Variants in MYO3A observed in about 807,000 individuals in gnomAD.
MYO3A encodes the protein myosin IIIA.
MYO3A carries 180 observed loss-of-function variants against 192.7 expected under a neutral mutation model. The observed-to-expected ratio is 0.93, with a 90% confidence interval of 0.83 to 1.06. The LOEUF (loss-of-function observed/expected upper bound fraction) is 1.06, where lower values mean the gene tolerates loss of function less well. Among genes scored for constraint, MYO3A ranks in the 50% least tolerant of loss-of-function variants. The probability of loss-of-function intolerance (pLI) is 0.00; values close to 1 mark genes in which losing one functional copy is unlikely to be tolerated. For missense variants in MYO3A, 1,896 were observed against 1,905.0 expected, an observed-to-expected ratio of 1.00 and a Z score of 0.09; for synonymous variants, 628 against 645.3, an observed-to-expected ratio of 0.97 and a Z score of 0.41.
intron 4 of MYO3A, among the ~76,000 whole-genome samples, chr10:25,992,027 A>G (rs9731571): frequency 0.68 from 103,325 of 151,966 alleles, 35,691 homozygotes; most frequent in African/African-American, 0.8. Flanking sequence ...GAACTTTAAA[A>G]TAGTTTTTTC....
At chr10:25,949,190 A>G (rs797002087) in intron 2 of MYO3A, among the ~76,000 whole-genome samples, 49 of 152,196 alleles carry the variant, frequency 3.2e-4, no homozygotes, top group African/African-American at 1.2e-3. Context: ...TGAGTTTTCT[A>G]TCTTTGTATT....
intron 20 of MYO3A, among the ~76,000 whole-genome samples, chr10:26,135,173 C>T (rs1839772832): frequency 6.6e-6 from 1 of 152,076 alleles, no homozygotes; most frequent in South Asian, 2.1e-4. Context: ...TGACAGCTAT[C>T]CATGGTTTTT....
At chr10:25,955,338 C>G (rs556622250) in intron 4 of MYO3A, among the ~76,000 whole-genome samples, 15 of 152,138 alleles carry the variant, frequency 9.9e-5, no homozygotes, top group Non-Finnish European at 1.8e-4. Context: ...ATGTGATAAG[C>G]CTCTGTGCCA....
intron 2 of MYO3A, among the ~76,000 whole-genome samples, chr10:25,938,035 C>T (rs961428104): frequency 3.3e-5 from 5 of 152,108 alleles, no homozygotes; most frequent in Admixed American, 6.5e-5. Context: ...ACTTGTTTGG[C>T]GATTCAGACT....
chr10:26,039,852 G>T (rs1411292334), intron 10 of MYO3A, among the ~76,000 whole-genome samples: 1 of 146,124 alleles, frequency 6.8e-6, no homozygotes, highest in Non-Finnish European at 1.5e-5. Context: ...CTTTTGTATT[G>T]TTTTCTTCTT....
At chr10:25,991,177 G>C (rs981434602) in intron 4 of MYO3A, among the ~76,000 whole-genome samples, 6 of 152,166 alleles carry the variant, frequency 3.9e-5, no homozygotes, top group African/African-American at 1.4e-4. Context: ...AGCACCTGTT[G>C]TTTCCTGACT....
In MYO3A at chr10:26,196,141, A is replaced by G. The variant is rs529421131; in HGVS notation, c.4545+2830A>G. 9.8e-5 allele frequency among the ~76,000 whole-genome samples: 15 copies of G among 152,372 alleles called. 1 individual carries two copies. In the South Asian group the frequency reaches 3.1e-3, roughly 32 times the overall value. ...GCAGCAAATACTCTGACATTTGTTT[A>G]TGCAATTAAATAGAACAGCAGAAAC... On this transcript the variant is annotated intron_variant, in intron 32 of 34. Coordinates refer to ENST00000642920, the MANE Select transcript of MYO3A (RefSeq NM_017433.5).
chr10:25,973,691 G>A (rs866032826), intron 4 of MYO3A, among the ~76,000 whole-genome samples: 5 of 151,962 alleles, frequency 3.3e-5, no homozygotes, highest in Admixed American at 6.6e-5. Context: ...AACATGAGGG[G>A]ATGTTGAATT....
At chr10:25,995,083 T>C (rs1840335318) in intron 4 of MYO3A, among the ~76,000 whole-genome samples, 1 of 151,286 alleles carries the variant, frequency 6.6e-6, no homozygotes, top group Non-Finnish European at 1.5e-5. Context: ...GAAGTTCTCC[T>C]GGATAATATC....
intron 17 of MYO3A, among the ~76,000 whole-genome samples, chr10:26,097,891 T>A (rs982295007): frequency 6.6e-6 from 1 of 152,184 alleles, no homozygotes; most frequent in South Asian, 2.1e-4. Context: ...CAAACATATG[T>A]GTGCATGTGC....
In MYO3A at chr10:26,176,716, G is replaced by A. The variant is rs1031886099; in HGVS notation, c.4309G>A (p.Glu1437Lys). 1.2e-6 allele frequency: 2 copies of A among 1,609,706 alleles called. No homozygotes were observed. Among genetic ancestry groups the A allele is most frequent in the Non-Finnish European group, 1.7e-6 (2 of 1,176,154 alleles). Residue 1437 changes from glutamate (E) to lysine (K), a missense_variant, in exon 31 of 35, where the codon GAA becomes AAA. By Grantham distance (56) the Glu-to-Lys change is moderately conservative. Transcript: ENST00000642920. ...IFSKQISKLS[E>K]EYFILQKKLN... ...TTCTTTTTAGATATCAAAGTTATCT[G>A]AAGAATATTTCATTCTGCAGAAAAA...
At chr10:26,108,785 G>A (rs944779594) in intron 17 of MYO3A, among the ~76,000 whole-genome samples, 1 of 152,194 alleles carries the variant, frequency 6.6e-6, no homozygotes, top group Non-Finnish European at 1.5e-5. Context: ...GCTTACAGGA[G>A]GTGGGGACTG....
intron 32 of MYO3A, among the ~76,000 whole-genome samples, chr10:26,200,229 T>C (rs947969777): frequency 3.3e-5 from 5 of 152,206 alleles, no homozygotes; most frequent in African/African-American, 1.2e-4. Flanking sequence ...ACTGTTTCAC[T>C]CATCTACTAT....
intron 7 of MYO3A, among the ~76,000 whole-genome samples, chr10:26,020,932 A>G (rs1186684751): frequency 6.6e-6 from 1 of 152,234 alleles, no homozygotes; most frequent in Non-Finnish European, 1.5e-5. Flanking sequence ...GTAAAACCAC[A>G]TCAAGGTTTA....
intron 4 of MYO3A, among the ~76,000 whole-genome samples, chr10:25,965,432 A>G (rs1305830820): frequency 6.6e-6 from 1 of 151,172 alleles, no homozygotes; most frequent in Non-Finnish European, 1.5e-5. Flanking sequence ...AGTCCTTGCC[A>G]CTCTTCCTTC....
At chr10:26,031,287 C>G (rs544235922) in intron 10 of MYO3A, among the ~76,000 whole-genome samples, 1 of 152,314 alleles carries the variant, frequency 6.6e-6, no homozygotes, top group South Asian at 2.1e-4. Flanking sequence ...CTTCAACTGT[C>G]CTTCCTCAAG....
At chr10:26,067,486 C>A (rs559547471) in intron 11 of MYO3A, among the ~76,000 whole-genome samples, 1 of 152,138 alleles carries the variant, frequency 6.6e-6, no homozygotes, top group African/African-American at 2.4e-5. Flanking sequence ...GGTGGCCTCC[C>A]GCTTTGTCCT....
intron 4 of MYO3A, among the ~76,000 whole-genome samples, chr10:25,968,508 C>T (rs1476185838): frequency 7.9e-5 from 12 of 152,114 alleles, no homozygotes; most frequent in Admixed American, 7.2e-4. Context: ...AGATATGAAA[C>T]ATTTGATTTT....
intron 10 of MYO3A, among the ~76,000 whole-genome samples, chr10:26,065,172 G>T (rs10828946): frequency 0.48 from 72,214 of 151,958 alleles, 17,959 homozygotes; most frequent in Middle Eastern, 0.59. Context: ...TGTTAAATGC[G>T]CCTGGTAGAT....
Sources: gnomAD v4.1 joint callset for allele counts (sites outside exome capture counted in the v4.1 genomes callset) on GRCh38, gnomAD v4.1.1 for gene constraint, MANE v1.5 for transcripts, NCBI Gene and HGNC (gene_info 2026-07-23, HGNC 2026-07-21) for gene names.